Variants in SEC14L1 observed in about 807,000 individuals in gnomAD.
The protein encoded by SEC14L1 is SEC14 like lipid binding 1.
In SEC14L1, 48 loss-of-function variants were observed where a neutral mutation model predicts 85.3. The observed-to-expected ratio is 0.56, with a 90% CI of 0.45 to 0.72. The LOEUF is 0.72. SEC14L1 is among the 30% of genes least tolerant of loss of function. SEC14L1 has a pLI of 0.00. For synonymous variants in SEC14L1, 391 were observed against 355.5 expected (o/e 1.10, Z -1.12); for missense variants, 682 against 921.4 (o/e 0.74, Z 3.36).
chr17:77,123,814 G>T (rs965195781), intron 3 of SEC14L1, among the ~76,000 whole-genome samples: 1 of 152,192 alleles, frequency 6.6e-6, no homozygotes, highest in Non-Finnish European at 1.5e-5. Context: ...TTGTGGAGTG[G>T]GGTGGACACC....
intron 3 of SEC14L1, among the ~76,000 whole-genome samples, chr17:77,149,471 A>G (rs1405967758): frequency 6.6e-6 from 1 of 152,022 alleles, no homozygotes; most frequent in African/African-American, 2.4e-5. Flanking sequence ...AGTTGGGAGG[A>G]TTTCTTGAGG....
intron 3 of SEC14L1, among the ~76,000 whole-genome samples, chr17:77,186,217 A>G (rs529681666): frequency 1.3e-5 from 2 of 152,268 alleles, no homozygotes; most frequent in Admixed American, 1.3e-4. Flanking sequence ...TCTATGCCAC[A>G]TCGTCATGCA....
intron 3 of SEC14L1, among the ~76,000 whole-genome samples, chr17:77,096,637 AT>A (rs1429157499): frequency 6.6e-6 from 1 of 152,060 alleles, no homozygotes; most frequent in Non-Finnish European, 1.5e-5. Flanking sequence ...AAGATTTTGA[AT>A]TTCTCTCTTC....
chr17:77,167,453 G>A (rs1974335933), intron 3 of SEC14L1, among the ~76,000 whole-genome samples: 5 of 152,174 alleles, frequency 3.3e-5, no homozygotes, highest in Admixed American at 3.3e-4. Context: ...TATACCATGA[G>A]CACAATAGGT....
intron 3 of SEC14L1, among the ~76,000 whole-genome samples, chr17:77,122,538 T>C (rs960846003): frequency 6.6e-6 from 1 of 152,220 alleles, no homozygotes; most frequent in Non-Finnish European, 1.5e-5. Flanking sequence ...TTGGGTAACA[T>C]AGGAGCAATC....
chr17:77,179,574 C>T (rs1363345913), intron 3 of SEC14L1, among the ~76,000 whole-genome samples: 3 of 152,286 alleles, frequency 2.0e-5, no homozygotes, highest in East Asian at 3.9e-4. Context: ...GAAAGTGTAT[C>T]ATCAGAACCA....
At chr17:77,119,993 T>C (rs1972258239) in intron 3 of SEC14L1, among the ~76,000 whole-genome samples, 1 of 152,204 alleles carries the variant, frequency 6.6e-6, no homozygotes. Flanking sequence ...TTTCCCGTAT[T>C]GCACTGAAAA....
intron 3 of SEC14L1, among the ~76,000 whole-genome samples, chr17:77,115,018 C>T (rs927679468): frequency 6.6e-6 from 1 of 152,152 alleles, no homozygotes; most frequent in East Asian, 1.9e-4. Context: ...CAGAAAACTG[C>T]CCGTCCTGCT....
rs181083800 is a variant in SEC14L1 at position 77,195,443 on chromosome 17, C to T, written c.709+532C>T. Among the ~76,000 whole-genome samples the T allele has an allele frequency of 7.2e-5, 11 of 152,092 alleles. No homozygotes were observed. The East Asian group carries it at 1.9e-3, about 27-fold the overall frequency. Reference sequence around the variant, plus strand: ...AAGTGATTTTCCTGCCTCAGCCTCCCGAGTAGCTGGGACCACAGGCATGTG... The same window carrying T: ...AAGTGATTTTCCTGCCTCAGCCTCCTGAGTAGCTGGGACCACAGGCATGTG... On this transcript the variant is annotated intron_variant, in intron 7 of 16. Coordinates refer to ENST00000436233, the MANE Select transcript of SEC14L1 (RefSeq NM_001143998.2).
At chr17:77,138,917 T>C (rs1452341503), upstream of SEC14L1, among the ~76,000 whole-genome samples, 2 of 152,226 alleles carry the variant, frequency 1.3e-5, no homozygotes, top group African/African-American at 2.4e-5. Context: ...AATATACATA[T>C]AAAAGCTTGC....
chr17:77,187,160 G>A (rs1002991196), intron 3 of SEC14L1, among the ~76,000 whole-genome samples: 3 of 152,104 alleles, frequency 2.0e-5, no homozygotes, highest in South Asian at 2.1e-4. Context: ...CCCAAGATCC[G>A]AAAAAATTCT....
At chr17:77,091,369 T>G (rs763099995) in intron 2 of SEC14L1, among the ~76,000 whole-genome samples, 11 of 152,116 alleles carry the variant, frequency 7.2e-5, no homozygotes, top group Non-Finnish European at 1.0e-4. Flanking sequence ...ATTACAGGCT[T>G]GAACCACCTT....
chr17:77,104,206 G>A (rs150377416), intron 3 of SEC14L1, among the ~76,000 whole-genome samples: 2,972 of 144,766 alleles, frequency 0.021, 87 homozygotes, highest in African/African-American at 0.065. Context: ...TGCAACCTCC[G>A]CCTTCTGGGT....
At chr17:77,176,071 C>T (rs1361609448) in intron 3 of SEC14L1, among the ~76,000 whole-genome samples, 4 of 152,036 alleles carry the variant, frequency 2.6e-5, no homozygotes, top group African/African-American at 7.3e-5. Flanking sequence ...AGGTGGATCA[C>T]CTGAGGTCAG....
chr17:77,206,848 A>T lies in SEC14L1; in HGVS notation c.1462A>T (p.Ser488Cys). The T allele has an allele frequency of 6.2e-7, 1 of 1,605,788 alleles. No individual in the cohort carries two copies. Among genetic ancestry groups the T allele is most frequent in the South Asian group, 1.1e-5 (1 of 89,372 alleles). ...CAAAGAGATTATTCCAGATTTCCTG[A>T]GTGGGGAGTGCATGGTATGTCCTGA... Reference protein sequence around the residue: ...IDKEIIPDFLSGECMCEVPEG... With the variant: ...IDKEIIPDFLCGECMCEVPEG... Residue 488 changes from serine to cysteine, a missense_variant, in exon 13 of 17, where the codon AGT (serine) becomes TGT (cysteine). Transcript: ENST00000436233. This position sits in a 1 kb window ranked among gnomAD's most constrained non-coding sequence, Gnocchi z 4.3.
At chr17:77,137,741 T>C (rs28498113), upstream of SEC14L1, among the ~76,000 whole-genome samples, 72,669 of 152,096 alleles carry the variant, frequency 0.48, 17,629 homozygotes, top group African/African-American at 0.53. Context: ...AACCAATACG[T>C]GCTTTCACTG....
At chr17:77,147,753 G>A (rs975598050) in intron 3 of SEC14L1, among the ~76,000 whole-genome samples, 1 of 152,184 alleles carries the variant, frequency 6.6e-6, no homozygotes, top group Non-Finnish European at 1.5e-5. Flanking sequence ...CAAGGAAGGC[G>A]CACCAGGGAA....
chr17:77,213,565 C>G lies in SEC14L1; in HGVS notation c.2042+73C>G. ...TTGGAGGGAGCCTGCAGTCCCACGC[C>G]GTGTGCAGGATCAGCAGTGGCGGCG... On this transcript the variant is annotated intron_variant, in intron 16 of 16. Transcript: ENST00000436233. The surrounding 1 kb of genome is among the most constrained non-coding windows in gnomAD (Gnocchi z 7.1). 1.3e-6 allele frequency: 2 copies of G among 1,548,968 alleles called. No individual in the cohort carries two copies. Among genetic ancestry groups the G allele is most frequent in the Non-Finnish European group, 1.8e-6 (2 of 1,137,136 alleles).
intron 3 of SEC14L1, among the ~76,000 whole-genome samples, chr17:77,129,277 G>A (rs767406636): frequency 2.5e-4 from 38 of 152,086 alleles, no homozygotes; most frequent in Admixed American, 3.9e-4. Context: ...AATTCCATCA[G>A]CATCCAATTA....
Sources: gnomAD v4.1 joint callset for allele counts (sites outside exome capture counted in the v4.1 genomes callset) on GRCh38, gnomAD v4.1.1 for gene constraint, Gnocchi (gnomAD v3.1) non-coding constraint, MANE v1.5 for transcripts, NCBI Gene and HGNC (gene_info 2026-07-23, HGNC 2026-07-21) for gene names.